CCDC88A: variants seen among roughly 807,000 people sequenced by gnomAD.
The protein encoded by CCDC88A is girdin.
A neutral mutation model predicts 234.3 loss-of-function variants in CCDC88A; 54 were observed. The ratio of observed to expected loss-of-function variants is 0.23; its 90% CI spans 0.19 to 0.29. The LOEUF (loss-of-function observed/expected upper bound fraction) is 0.29, where lower values mean the gene tolerates loss of function less well. Ranked by LOEUF, CCDC88A falls within the 10% of genes least tolerant of loss-of-function variation. CCDC88A has a pLI of 1.00. For missense variants in CCDC88A, 1,832 were observed against 2,123.4 expected (o/e 0.86, Z 2.70); for synonymous variants, 753 against 737.8 (o/e 1.02, Z -0.33).
chr2:55,367,529 T>TTTTTTTTTTTTTTTGTTTG (rs1331238227), intron 5 of CCDC88A, among the ~76,000 whole-genome samples: 9 of 51,106 alleles, frequency 1.8e-4, no homozygotes, highest in Non-Finnish European at 3.4e-4. Context: ...TATTTCCTTG[T>TTTTTTTTTTTTTTTGTTTG]TTTTTTTTAA....
intron 3 of CCDC88A, among the ~76,000 whole-genome samples, chr2:55,382,616 T>A (rs930975353): frequency 1.3e-5 from 2 of 152,182 alleles, no homozygotes; most frequent in Non-Finnish European, 2.9e-5. Context: ...ATAAATTTTT[T>A]AAGAGCCTAG....
intron 16 of CCDC88A, among the ~76,000 whole-genome samples, chr2:55,331,161 G>C (rs1275299832): frequency 6.6e-6 from 1 of 152,186 alleles, no homozygotes; most frequent in Non-Finnish European, 1.5e-5. Context: ...ACAACATGCA[G>C]TACAGTGTCT....
Position 55,419,105 on chromosome 2 carries a change from G to C in CCDC88A, c.-26C>G. Reference sequence around the variant, plus strand: ...TTTACAGAGTATGTATTTGAAAAAAGGAACTACCACAAAAATACGCCTAGG... The same window carrying C: ...TTTACAGAGTATGTATTTGAAAAAACGAACTACCACAAAAATACGCCTAGG... On this transcript the variant is annotated 5_prime_UTR_variant, in exon 1 of 33. Coordinates refer to ENST00000436346, the MANE Select transcript of CCDC88A (RefSeq NM_001365480.1). 1 of 1,432,654 alleles carries C rather than the reference G, an allele frequency of 7.0e-7. No individual in the cohort carries two copies. The highest frequency in any genetic ancestry group is 1.2e-5 in the South Asian group (1 of 85,924). The allele number at this position is 1,432,654 out of a possible 1,614,324, so 88.7% of individuals were successfully genotyped here.
At chr2:55,326,437 C>T (rs1458849918) in intron 17 of CCDC88A, among the ~76,000 whole-genome samples, 2 of 152,170 alleles carry the variant, frequency 1.3e-5, no homozygotes, top group African/African-American at 4.8e-5. Context: ...TTAACTTTCA[C>T]AGTCTACCTT....
intron 5 of CCDC88A, among the ~76,000 whole-genome samples, chr2:55,371,282 C>T (rs972046099): frequency 6.6e-6 from 1 of 152,096 alleles, no homozygotes; most frequent in Non-Finnish European, 1.5e-5. Context: ...AACACCTGTA[C>T]ATTACACAGC....
chr2:55,334,124 A>T lies in CCDC88A; in HGVS notation c.2697T>A (p.Ile899=). The change falls in exon 15 of 33, where the codon ATT becomes ATA. Residue 899 remains isoleucine, a synonymous_variant. Transcript: ENST00000436346. The surrounding 1 kb of genome is among the most constrained non-coding windows in gnomAD (Gnocchi z 6.1). Reference sequence around the variant, plus strand: ...GTAGTGTAACCAACGTTTTTATATCAATAGTTGCTCTTTTCACAAGCTCCT... The same window carrying T: ...GTAGTGTAACCAACGTTTTTATATCTATAGTTGCTCTTTTCACAAGCTCCT... ...ENKELVKRAT[I]DIKTLVTLRE... 1.5e-6 allele frequency: 2 copies of T among 1,324,308 alleles called. No individual in the cohort carries two copies. Among genetic ancestry groups the T allele is most frequent in the Non-Finnish European group, 1.9e-6 (2 of 1,028,778 alleles). 82.0% of individuals were successfully genotyped at this position (1,324,308 alleles called of 1,614,324 possible). A position where few individuals can be genotyped will look rare whatever the true frequency, so the allele number is the denominator to read the frequency against.
chr2:55,308,171 G>C (rs1305737417), intron 25 of CCDC88A: 1 of 152,318 alleles, frequency 6.6e-6, no homozygotes, highest in East Asian at 1.9e-4. Context: ...CTGACCTCAG[G>C]TGATCTGCCC....
At chr2:55,349,693 C>T (rs1322802171) in intron 8 of CCDC88A, 94 bp from the exon 9 acceptor site, 2 of 792,824 alleles carry the variant, frequency 2.5e-6, no homozygotes, top group Non-Finnish European at 4.1e-6. Context: ...CACTAAATAA[C>T]TAGTTGGACA....
At chr2:55,338,038 G>C (rs2576714) in intron 13 of CCDC88A, among the ~76,000 whole-genome samples, 58,772 of 151,904 alleles carry the variant, frequency 0.39, 12,138 homozygotes, top group East Asian at 0.85. Flanking sequence ...TTGTTGTTTT[G>C]TATCAATGGG....
intron 8 of CCDC88A, chr2:55,350,546 G>C (rs1669743051): frequency 6.7e-6 from 1 of 150,328 alleles, no homozygotes; most frequent in Non-Finnish European, 1.5e-5. Flanking sequence ...AATGTTCACT[G>C]TATAGAACTT....
chr2:55,334,626 C>T lies in CCDC88A; in HGVS notation c.2195G>A (p.Ser732Asn), dbSNP rs1220498549. 1.2e-6 allele frequency: 2 copies of T among 1,613,678 alleles called. No homozygotes were observed. Among genetic ancestry groups the T allele is most frequent in the Non-Finnish European group, 8.5e-7 (1 of 1,179,840 alleles). Residue 732 changes from serine (S) to asparagine (N), a missense_variant, in exon 15 of 33, where the codon AGT becomes AAT. By Grantham distance (46) the Ser-to-Asn change is conservative. This residue lies in a region of CCDC88A where 1,282 missense variants were observed against 1,543.6 expected (regional missense o/e 0.83). Transcript: ENST00000436346. The surrounding 1 kb of genome is among the most constrained non-coding windows in gnomAD (Gnocchi z 6.1). Reference protein sequence around the residue: ...QLQLENKELESEKEQLKKGLE... With the variant: ...QLQLENKELENEKEQLKKGLE... ...ACCCTTCTTAAGTTGCTCTTTTTCACTTTCCAGTTCTTTGTTTTCTAGCTG... is the reference window on the plus strand; with the variant it reads ...ACCCTTCTTAAGTTGCTCTTTTTCATTTTCCAGTTCTTTGTTTTCTAGCTG...
chr2:55,329,434 T>C (rs758792856), intron 16 of CCDC88A: 1 of 152,204 alleles, frequency 6.6e-6, no homozygotes, highest in Admixed American at 6.5e-5. Flanking sequence ...TTTAATGTCA[T>C]TGAATACAGA....
At chr2:55,314,388 T>C (rs886969205) in intron 22 of CCDC88A, 6 of 152,230 alleles carry the variant, frequency 3.9e-5, no homozygotes, top group African/African-American at 1.4e-4. Context: ...AAAGCATATA[T>C]AAAGAAAAGA....
intron 25 of CCDC88A, among the ~76,000 whole-genome samples, chr2:55,305,888 A>G (rs943582409): frequency 2.0e-5 from 3 of 152,074 alleles, no homozygotes; most frequent in African/African-American, 7.2e-5. Context: ...TTTAAAAAAA[A>G]AATTAAGTAT....
intron 2 of CCDC88A, chr2:55,399,635 T>G (rs948295361): frequency 6.6e-6 from 1 of 152,198 alleles, no homozygotes; most frequent in Admixed American, 6.5e-5. Context: ...ACTAATTAAT[T>G]TTTTAAGCAC....
At chr2:55,366,069 A>G (rs1207736830) in intron 5 of CCDC88A, among the ~76,000 whole-genome samples, 1 of 152,216 alleles carries the variant, frequency 6.6e-6, no homozygotes, top group African/African-American at 2.4e-5. Context: ...ACCAGCTGTG[A>G]AGACTAAATA....
intron 7 of CCDC88A, chr2:55,356,512 G>A (rs1034888975): frequency 6.9e-6 from 1 of 144,464 alleles, no homozygotes; most frequent in African/African-American, 2.9e-5. Context: ...GTGTTGGAAA[G>A]GCATAAAAGA....
rs1273534424 is a variant in CCDC88A at position 55,304,719 on chromosome 2, TAAA to T, written c.4388-1570_4388-1568del. 9.2e-5 allele frequency among the ~76,000 whole-genome samples: 14 copies of T among 152,132 alleles called. 1 individual carries two copies. Among genetic ancestry groups the T allele is most frequent in the South Asian group, 8.3e-4 (4 of 4,826 alleles). ...AATATAGGAGTCATTAGAACAAAAA[TAAA>T]AACGTTCACTAGAGTCACTAACCAT... On this transcript the variant is annotated intron_variant, in intron 25 of 32. Transcript: ENST00000436346.
intron 12 of CCDC88A, among the ~76,000 whole-genome samples, chr2:55,343,115 G>A (rs1574195444): frequency 1.3e-5 from 2 of 152,092 alleles, no homozygotes; most frequent in East Asian, 3.8e-4. Flanking sequence ...TTACCTGGGG[G>A]ATCTTACATT....
Sources: allele counts gnomAD v4.1 joint callset (sites outside exome capture counted in the v4.1 genomes callset), GRCh38; gene constraint gnomAD v4.1.1; regional missense constraint gnomAD v4.1.1; non-coding constraint Gnocchi (gnomAD v3.1); transcripts MANE v1.5; gene names NCBI Gene and HGNC (gene_info 2026-07-23, HGNC 2026-07-21).